MLIP: variants seen among roughly 807,000 people sequenced by gnomAD.
MLIP encodes the protein muscular LMNA interacting protein.
In MLIP, 79 loss-of-function variants were observed where a neutral mutation model predicts 84.8. The observed-to-expected ratio is 0.93, with a 90% CI of 0.78 to 1.12. The LOEUF (loss-of-function observed/expected upper bound fraction) is 1.12. MLIP is among the 50% of genes most tolerant of loss of function. The pLI is 0.00. For synonymous variants in MLIP, 504 were observed against 463.0 expected (o/e 1.09, Z -1.14); for missense variants, 1,257 against 1,160.6 (o/e 1.08, Z -1.21).
intron 1 of MLIP, among the ~76,000 whole-genome samples, chr6:54,078,727 T>C (rs1766956943): frequency 2.0e-5 from 3 of 150,358 alleles, no homozygotes; most frequent in African/African-American, 7.3e-5. Context: ...TCTCGGCTCT[T>C]GTCACCCAGG....
intron 11 of MLIP, among the ~76,000 whole-genome samples, chr6:54,211,456 T>C (rs1779445267): frequency 6.6e-6 from 1 of 151,994 alleles, no homozygotes; most frequent in Non-Finnish European, 1.5e-5. Flanking sequence ...TGTCAAAAAC[T>C]ACATTTAGGC....
At chr6:54,165,642 G>A (rs1234055610) in intron 8 of MLIP, among the ~76,000 whole-genome samples, 1 of 151,946 alleles carries the variant, frequency 6.6e-6, no homozygotes, top group Admixed American at 6.6e-5. Context: ...TGGTAGTGAG[G>A]TCAAGAAAGA....
intron 1 of MLIP, among the ~76,000 whole-genome samples, chr6:54,106,003 C>T (rs1015145066): frequency 1.3e-5 from 2 of 152,134 alleles, no homozygotes; most frequent in African/African-American, 4.8e-5. Context: ...ACTCTTGCTG[C>T]TATATGGAAG....
At chr6:54,262,875 C>T (rs1428437984) in intron 13 of MLIP, among the ~76,000 whole-genome samples, 2 of 152,066 alleles carry the variant, frequency 1.3e-5, no homozygotes, top group Admixed American at 1.3e-4. Flanking sequence ...ATTGTTCTTA[C>T]ACTTGGTTGG....
At chr6:54,063,951 T>C (rs1766126896) in intron 1 of MLIP, among the ~76,000 whole-genome samples, 1 of 45,184 alleles carries the variant, frequency 2.2e-5, no homozygotes, top group African/African-American at 3.4e-5. Flanking sequence ...TTCCAATTAG[T>C]GTTTAATTGG....
intron 13 of MLIP, among the ~76,000 whole-genome samples, chr6:54,262,726 T>C (rs1783466570): frequency 6.6e-6 from 1 of 152,058 alleles, no homozygotes; most frequent in Non-Finnish European, 1.5e-5. Flanking sequence ...CAAAAGAATT[T>C]GTATACATTT....
chr6:54,074,192 A>G (rs1213273440), intron 1 of MLIP, among the ~76,000 whole-genome samples: 4 of 152,152 alleles, frequency 2.6e-5, no homozygotes, highest in Non-Finnish European at 5.9e-5. Context: ...GGCTCCCAGT[A>G]TGTTCCTGTT....
At chr6:54,244,227 T>C (rs1781926354) in intron 12 of MLIP, among the ~76,000 whole-genome samples, 1 of 152,206 alleles carries the variant, frequency 6.6e-6, no homozygotes, top group Non-Finnish European at 1.5e-5. Flanking sequence ...AATAAACAGC[T>C]TTACTCTCAA....
At chr6:54,226,674 G>A (rs1327031058) in intron 11 of MLIP, among the ~76,000 whole-genome samples, 1 of 148,506 alleles carries the variant, frequency 6.7e-6, no homozygotes, top group Non-Finnish European at 1.5e-5. Context: ...ACAAAACAGA[G>A]GAAACACTAT....
intron 1 of MLIP, among the ~76,000 whole-genome samples, chr6:54,054,245 G>T (rs566379774): frequency 6.6e-6 from 1 of 152,216 alleles, no homozygotes; most frequent in South Asian, 2.1e-4. Flanking sequence ...GTGCTTCCCG[G>T]CAAGCAGCTT....
At chr6:54,238,692 G>T (rs1055059747) in intron 12 of MLIP, among the ~76,000 whole-genome samples, 1 of 152,140 alleles carries the variant, frequency 6.6e-6, no homozygotes, top group Non-Finnish European at 1.5e-5. Context: ...TAAGCAAGAA[G>T]GCTCTATTTA....
chr6:54,155,385 G>A (rs957650903), intron 5 of MLIP, among the ~76,000 whole-genome samples: 2 of 152,072 alleles, frequency 1.3e-5, no homozygotes, highest in African/African-American at 4.8e-5. Context: ...TATTAACAAA[G>A]TATAGGAGAA....
chr6:54,237,980 A>C (rs1019501902), intron 12 of MLIP, among the ~76,000 whole-genome samples: 3 of 152,170 alleles, frequency 2.0e-5, no homozygotes. Context: ...TGTGTGGGTT[A>C]ATATTTTAAA....
intron 1 of MLIP, among the ~76,000 whole-genome samples, chr6:54,062,721 T>C (rs886749808): frequency 2.0e-5 from 3 of 150,786 alleles, no homozygotes; most frequent in African/African-American, 7.5e-5. Context: ...ATATCTATTT[T>C]TTAATTTTTT....
chr6:54,213,799 T>A (rs1360933684), intron 11 of MLIP, among the ~76,000 whole-genome samples: 1 of 152,016 alleles, frequency 6.6e-6, no homozygotes. Flanking sequence ...AAAGTTTTTT[T>A]TTAATTCAAA....
chr6:54,056,821 T>C (rs1250129043), intron 1 of MLIP, among the ~76,000 whole-genome samples: 1 of 152,238 alleles, frequency 6.6e-6, no homozygotes, highest in African/African-American at 2.4e-5. Flanking sequence ...ATTTTCTTAG[T>C]AGTTCATAAT....
At chr6:54,147,630 T>A (rs554026796) in intron 4 of MLIP, among the ~76,000 whole-genome samples, 116 of 152,226 alleles carry the variant, frequency 7.6e-4, no homozygotes, top group Non-Finnish European at 1.3e-3. Context: ...TTCAGAGTAC[T>A]TTTTTGGGAA....
chr6:54,234,336 G>A lies in MLIP; in HGVS notation c.2922+3419G>A, dbSNP rs547184295. On this transcript the variant is annotated intron_variant, in intron 12 of 13. Coordinates refer to ENST00000502396, the MANE Select transcript of MLIP (RefSeq NM_001281747.2). ...AGAGTATTATGAAAATAAAATTTAC[G>A]AATATGCGTAAAAGTGCCTGAAGAT... is the stretch of plus-strand genomic sequence containing the variant. Among the ~76,000 whole-genome samples, 14 of 152,066 alleles carry A rather than the reference G, an allele frequency of 9.2e-5. No homozygotes were observed. The South Asian group carries it at 1.0e-3, about 11-fold the overall frequency.
chr6:54,087,469 A>G (rs1440765067), intron 1 of MLIP, among the ~76,000 whole-genome samples: 1 of 152,192 alleles, frequency 6.6e-6, no homozygotes, highest in African/African-American at 2.4e-5. Context: ...TGATGCAAAA[A>G]AGAAACATAA....
Sources: allele counts gnomAD v4.1 joint callset (sites outside exome capture counted in the v4.1 genomes callset), GRCh38; gene constraint gnomAD v4.1.1; transcripts MANE v1.5; gene names NCBI Gene and HGNC (gene_info 2026-07-23, HGNC 2026-07-21).